MACROD2: variants seen among roughly 807,000 people sequenced by gnomAD.
The protein encoded by MACROD2 is mono-ADP ribosylhydrolase 2.
Under a neutral mutation model 70.4 loss-of-function variants are expected in MACROD2, and 36 were observed. That is an observed-to-expected ratio of 0.51 (90% CI 0.39 to 0.68). MACROD2 has a LOEUF of 0.68. Ranked by LOEUF, MACROD2 falls within the 30% of genes least tolerant of loss-of-function variation. The pLI is 0.00. For missense variants in MACROD2, 496 were observed against 538.4 expected (o/e 0.92, Z 0.78); for synonymous variants, 172 against 178.8 (o/e 0.96, Z 0.30).
chr20:15,276,316 C>G (rs112842715), intron 6 of MACROD2, among the ~76,000 whole-genome samples: 1 of 148,844 alleles, frequency 6.7e-6, no homozygotes, highest in Admixed American at 6.8e-5. Flanking sequence ...AGGAGAAGGG[C>G]GTGAACCCGG....
At chr20:14,534,301 G>A (rs2085339610) in intron 4 of MACROD2, among the ~76,000 whole-genome samples, 1 of 152,034 alleles carries the variant, frequency 6.6e-6, no homozygotes, top group African/African-American at 2.4e-5. Flanking sequence ...CACTTTTCTG[G>A]GTCTTGTTGT....
chr20:14,852,214 A>C (rs1477261728), intron 5 of MACROD2, among the ~76,000 whole-genome samples: 2 of 152,066 alleles, frequency 1.3e-5, no homozygotes, highest in Non-Finnish European at 2.9e-5. Context: ...ATCATCTTGG[A>C]CAGCGAGGTG....
At chr20:14,482,288 A>G (rs1233694855) in intron 3 of MACROD2, among the ~76,000 whole-genome samples, 1 of 151,978 alleles carries the variant, frequency 6.6e-6, no homozygotes, top group Non-Finnish European at 1.5e-5. Flanking sequence ...AAATGGAAAC[A>G]TATGTTCCAT....
intron 6 of MACROD2, among the ~76,000 whole-genome samples, chr20:15,234,860 A>C (rs546036849): frequency 6.6e-6 from 1 of 152,356 alleles, no homozygotes; most frequent in South Asian, 2.1e-4. Flanking sequence ...TGGAGAGGAT[A>C]CATAGATATT....
At chr20:14,609,581 G>T (rs1983029335) in intron 4 of MACROD2, among the ~76,000 whole-genome samples, 1 of 152,164 alleles carries the variant, frequency 6.6e-6, no homozygotes. Flanking sequence ...AACTTCATTG[G>T]CTTTGATTTC....
chr20:14,311,030 G>T (rs1469409379), intron 3 of MACROD2, among the ~76,000 whole-genome samples: 1 of 152,096 alleles, frequency 6.6e-6, no homozygotes, highest in Non-Finnish European at 1.5e-5. Flanking sequence ...GTGAGCTAAG[G>T]TTAATTTATT....
At chr20:15,406,527 A>C (rs1309024145) in intron 6 of MACROD2, among the ~76,000 whole-genome samples, 2 of 152,232 alleles carry the variant, frequency 1.3e-5, no homozygotes, top group East Asian at 1.9e-4. Flanking sequence ...GTTATCTTAC[A>C]GGGTAATAAG....
chr20:14,836,648 A>T (rs2073033259), intron 5 of MACROD2, among the ~76,000 whole-genome samples: 1 of 152,058 alleles, frequency 6.6e-6, no homozygotes, highest in South Asian at 2.1e-4. Context: ...CAAATTCTGG[A>T]AGATGGAAAT....
intron 8 of MACROD2, among the ~76,000 whole-genome samples, chr20:15,837,088 A>G (rs2064122275): frequency 6.6e-6 from 1 of 152,124 alleles, no homozygotes; most frequent in Admixed American, 6.5e-5. Flanking sequence ...GCTTCTCTCT[A>G]GGTTGCCAAG....
chr20:15,181,712 A>G (rs984655241), intron 5 of MACROD2, among the ~76,000 whole-genome samples: 2 of 152,140 alleles, frequency 1.3e-5, no homozygotes, highest in Non-Finnish European at 2.9e-5. Context: ...ATGCATTTTG[A>G]TGTGAATTTT....
At chr20:14,458,587 C>T (rs1486055550) in intron 3 of MACROD2, among the ~76,000 whole-genome samples, 1 of 152,096 alleles carries the variant, frequency 6.6e-6, no homozygotes, top group Non-Finnish European at 1.5e-5. Flanking sequence ...TTGGTGAGCA[C>T]ATGGAGGTGC....
intron 7 of MACROD2, among the ~76,000 whole-genome samples, chr20:15,495,315 A>C (rs6034206): frequency 0.036 from 5,410 of 152,280 alleles, 324 homozygotes; most frequent in African/African-American, 0.12. Context: ...CCTGAACATC[A>C]TGCTTTACCT....
intron 8 of MACROD2, among the ~76,000 whole-genome samples, chr20:15,581,864 A>T (rs2048529131): frequency 6.6e-6 from 1 of 152,250 alleles, no homozygotes; most frequent in East Asian, 1.9e-4. Context: ...GCTCACACCT[A>T]TAATCCCAGC....
intron 5 of MACROD2, among the ~76,000 whole-genome samples, chr20:14,793,423 C>A (rs1402271651): frequency 6.6e-6 from 1 of 151,772 alleles, no homozygotes; most frequent in Non-Finnish European, 1.5e-5. Context: ...TAGACTGATA[C>A]TTCATTTTAT....
intron 4 of MACROD2, among the ~76,000 whole-genome samples, chr20:14,575,549 G>A (rs2423830): frequency 0.53 from 81,119 of 152,014 alleles, 23,119 homozygotes; most frequent in East Asian, 0.65. Flanking sequence ...TGTTAGAAAT[G>A]ATGCCAGAAA....
intron 5 of MACROD2, among the ~76,000 whole-genome samples, chr20:14,802,950 T>C (rs2072596307): frequency 6.6e-6 from 1 of 152,090 alleles, no homozygotes; most frequent in African/African-American, 2.4e-5. Flanking sequence ...TTTTTATTAG[T>C]CATCTTTCAC....
chr20:15,282,311 T>C (rs539582385), intron 6 of MACROD2, among the ~76,000 whole-genome samples: 9 of 152,370 alleles, frequency 5.9e-5, no homozygotes, highest in African/African-American at 1.9e-4. Flanking sequence ...CTTGAATTTC[T>C]TTTCAGAAAA....
intron 4 of MACROD2, among the ~76,000 whole-genome samples, chr20:14,603,637 C>T (rs1386696126): frequency 6.6e-6 from 1 of 152,122 alleles, no homozygotes; most frequent in Non-Finnish European, 1.5e-5. Flanking sequence ...GGATGATTTT[C>T]TCACTTTAGT....
chr20:15,973,052 G>A (rs2066254332), intron 13 of MACROD2, among the ~76,000 whole-genome samples: 1 of 152,122 alleles, frequency 6.6e-6, no homozygotes, highest in East Asian at 1.9e-4. Context: ...CACTGTGACA[G>A]TCAGGGTTTT....
Sources: allele counts gnomAD v4.1 joint callset (sites outside exome capture counted in the v4.1 genomes callset), GRCh38; gene constraint gnomAD v4.1.1; transcripts MANE v1.5; gene names NCBI Gene and HGNC (gene_info 2026-07-23, HGNC 2026-07-21).